PLEKHO1: variants seen among roughly 807,000 people sequenced by gnomAD.
PLEKHO1 encodes pleckstrin homology domain containing O1, also known as pleckstrin homology domain-containing family O member 1.
Under a neutral mutation model 41.4 loss-of-function variants are expected in PLEKHO1, and 22 were observed. The observed-to-expected ratio is 0.53, with a 90% CI of 0.38 to 0.76. The LOEUF (loss-of-function observed/expected upper bound fraction) is 0.76. PLEKHO1 is among the 30% of genes least tolerant of loss of function. PLEKHO1 has a pLI of 0.00. For synonymous variants in PLEKHO1, 225 were observed against 210.8 expected, an observed-to-expected ratio of 1.07 and a Z score of -0.58; for missense variants, 488 against 518.3, an observed-to-expected ratio of 0.94 and a Z score of 0.57.
Position 150,159,614 on chromosome 1 carries a change from A to G in PLEKHO1, c.*91A>G. The G allele has an allele frequency of 1.1e-6, 1 of 874,958 alleles. No individual in the cohort carries two copies. Among genetic ancestry groups the G allele is most frequent in the Admixed American group, 2.9e-5 (1 of 34,266 alleles). The allele number at this position is 874,958 out of a possible 1,614,324, so 54.2% of individuals were successfully genotyped here. On this transcript the variant is annotated 3_prime_UTR_variant, in exon 6 of 6. Coordinates refer to ENST00000369124, the MANE Select transcript of PLEKHO1 (RefSeq NM_016274.6). ...CTTTTTTATTTACCTCAATCAAAAAAAGAAAACAAAAATGAACTCATTGCT... is the reference window on the plus strand; with the variant it reads ...CTTTTTTATTTACCTCAATCAAAAAGAGAAAACAAAAATGAACTCATTGCT...
rs1553820498 is a variant in PLEKHO1, at chr1:150,156,766, A to G, written c.319-145A>G. The G allele has an allele frequency of 1.3e-5, 8 of 612,836 alleles. No homozygotes were observed. In the East Asian group the frequency reaches 2.2e-4, roughly 17 times the overall value. The allele number at this position is 612,836 out of a possible 1,614,324, so 38.0% of individuals were successfully genotyped here. Reference sequence around the variant, plus strand: ...CAGGAATAGAAGCTGGGTTTCCTTAAGTTATGGATGACTCTGGAAGCAGAA... The same window carrying G: ...CAGGAATAGAAGCTGGGTTTCCTTAGGTTATGGATGACTCTGGAAGCAGAA... On this transcript the variant is annotated intron_variant, in intron 3 of 5. Transcript: ENST00000369124.
intron 1 of PLEKHO1, 167 bp from the exon 2 acceptor site, chr1:150,150,745 G>A (rs587694668): frequency 5.0e-6 from 3 of 599,874 alleles, no homozygotes; most frequent in Non-Finnish European, 5.9e-6. Flanking sequence ...GGAGTTCCTC[G>A]GAGTGAAAAC....
At chr1:150,158,471 G>A (rs1660268644) in intron 5 of PLEKHO1, among the ~76,000 whole-genome samples, 1 of 152,100 alleles carries the variant, frequency 6.6e-6, no homozygotes, top group Non-Finnish European at 1.5e-5. Context: ...TATCACTTGA[G>A]GTCAGGAGTT....
At chr1:150,155,996 C>G in intron 2 of PLEKHO1, 70 bp from the exon 3 acceptor site, 1 of 1,423,508 alleles carries the variant, frequency 7.0e-7, no homozygotes, top group African/African-American at 1.4e-5. Flanking sequence ...CCAAGATGAT[C>G]TAAACTAACA....
rs192739241 is a variant in PLEKHO1, at chr1:150,159,685, T to A, written c.*162T>A. 1.8e-6 allele frequency: 1 copy of A among 555,800 alleles called. No homozygotes were observed. The highest frequency in any genetic ancestry group is 3.2e-6 in the Non-Finnish European group (1 of 309,840). 34.4% of individuals were successfully genotyped at this position (555,800 alleles called of 1,614,324 possible). ...CTACAACCCTTATTGCCCCACCTAC[T>A]TTCCATATGCCCCTCGTATGCCCCT... On this transcript the variant is annotated 3_prime_UTR_variant, in exon 6 of 6. Coordinates refer to ENST00000369124, the MANE Select transcript of PLEKHO1 (RefSeq NM_016274.6).
Position 150,150,111 on chromosome 1 carries a change from T to G in PLEKHO1, c.-147T>G. 1 of 187,154 alleles carries G rather than the reference T, an allele frequency of 5.3e-6. No homozygotes were observed. Among genetic ancestry groups the G allele is most frequent in the Non-Finnish European group, 9.8e-6 (1 of 101,788 alleles). 11.6% of individuals were successfully genotyped at this position (187,154 alleles called of 1,614,324 possible). On this transcript the variant is annotated 5_prime_UTR_variant, in exon 1 of 6. Transcript: ENST00000369124. ...ACCGGAGCTACAAAGAAGGGGAGAG[T>G]CCGGGAGCGGGAGGGCGCGAGGGAG...
At chr1:150,156,678 T>C (rs1469314447) in intron 3 of PLEKHO1, among the ~76,000 whole-genome samples, 1 of 152,204 alleles carries the variant, frequency 6.6e-6, no homozygotes, top group African/African-American at 2.4e-5. Context: ...CATACTAATA[T>C]TCAGTATCCT....
Position 150,159,439 on chromosome 1 carries a change from G to C in PLEKHO1, c.1146G>C (p.Leu382=). Residue 382 remains leucine (L), a synonymous_variant, in exon 6 of 6, where the codon CTG becomes CTC. Transcript: ENST00000369124. ...AGGAGGTCAGGGAGCTGAGAGACCT[G>C]TACAGACAGATGGACCTGCAGACCC... ...VLQEVRELRD[L]YRQMDLQTPD... The C allele has an allele frequency of 1.9e-6, 3 of 1,614,080 alleles. No homozygotes were observed. Among genetic ancestry groups the C allele is most frequent in the Middle Eastern group, 1.6e-4 (1 of 6,062 alleles).
intron 1 of PLEKHO1, 37 bp downstream of exon 1, chr1:150,150,324 T>A: frequency 9.8e-7 from 1 of 1,016,498 alleles, no homozygotes; most frequent in Non-Finnish European, 1.2e-6. Context: ...CGCCGCCGCC[T>A]CCGCGCTCTG....
chr1:150,150,230 C>A lies in PLEKHO1; in HGVS notation c.-28C>A. 1 of 1,050,290 alleles carries A rather than the reference C, an allele frequency of 9.5e-7. No individual in the cohort carries two copies. The highest frequency in any genetic ancestry group is 1.7e-5 in the African/African-American group (1 of 58,048). The allele number at this position is 1,050,290 out of a possible 1,614,324, so 65.1% of individuals were successfully genotyped here. Reference sequence around the variant, plus strand: ...CCCGACGCGGGGCCGCCCCTCGGCTCGCCGCCCCGCGCCCGCGCCCGCTGG... The same window carrying A: ...CCCGACGCGGGGCCGCCCCTCGGCTAGCCGCCCCGCGCCCGCGCCCGCTGG... On this transcript the variant is annotated 5_prime_UTR_variant, in exon 1 of 6. Transcript: ENST00000369124.
rs782410256 is a variant in PLEKHO1 at position 150,150,226 on chromosome 1, G to A, written c.-32G>A. 8.6e-5 allele frequency: 90 copies of A among 1,040,656 alleles called. 1 individual carries two copies. The African/African-American group carries it at 1.4e-3, about 16-fold the overall frequency. 64.5% of individuals were successfully genotyped at this position (1,040,656 alleles called of 1,614,324 possible). A position where few individuals can be genotyped will look rare whatever the true frequency, so the allele number is the denominator to read the frequency against. ...AGGCCCCGACGCGGGGCCGCCCCTC[G>A]GCTCGCCGCCCCGCGCCCGCGCCCG... On this transcript the variant is annotated 5_prime_UTR_variant, in exon 1 of 6. Coordinates refer to ENST00000369124, the MANE Select transcript of PLEKHO1 (RefSeq NM_016274.6).
intron 2 of PLEKHO1, chr1:150,154,986 A>G (rs1291241279): frequency 3.3e-5 from 5 of 152,240 alleles, no homozygotes; most frequent in African/African-American, 7.2e-5. Context: ...AAAAGAGAAA[A>G]CATTGTGGTC....
At chr1:150,158,531 C>CA (rs1285075943) in intron 5 of PLEKHO1, among the ~76,000 whole-genome samples, 148,819 of 149,008 alleles carry the variant, frequency 1, 74,315 homozygotes, top group East Asian at 1. Flanking sequence ...GCTAAAAATA[C>CA]AAAAAAAAAG....
Position 150,150,205 on chromosome 1 carries a change from CCCGACGCGGGG to C in PLEKHO1, c.-49_-39del, listed in dbSNP as rs1659821088. On this transcript the variant is annotated 5_prime_UTR_variant, in exon 1 of 6. Transcript: ENST00000369124. ...GGAGCCCCCGCGGTGCCGCCGAGGC[CCCGACGCGGGG>C]CCGCCCCTCGGCTCGCCGCCCCGCG... is the stretch of plus-strand genomic sequence containing the variant. 1 of 964,354 alleles carries C rather than the reference CCCGACGCGGGG, an allele frequency of 1.0e-6. No homozygotes were observed. The highest frequency in any genetic ancestry group is 5.9e-5 in the Admixed American group (1 of 17,084). 59.7% of individuals were successfully genotyped at this position (964,354 alleles called of 1,614,324 possible). A position where few individuals can be genotyped will look rare whatever the true frequency, so the allele number is the denominator to read the frequency against.
chr1:150,158,800 T>G lies in PLEKHO1; in HGVS notation c.526-19T>G, dbSNP rs201870136. On this transcript the variant is annotated intron_variant, in intron 5 of 5. Transcript: ENST00000369124. ...CTCCTGATGACAGGTTCCCCACTCA[T>G]TCCCCCCTTCCTCCACAGGCTTCCA... is the stretch of plus-strand genomic sequence containing the variant. 1.9e-6 allele frequency: 3 copies of G among 1,552,844 alleles called. No individual in the cohort carries two copies. The highest frequency in any genetic ancestry group is 1.4e-5 in the African/African-American group (1 of 73,474).
intron 3 of PLEKHO1, 130 bp from the exon 4 acceptor site, chr1:150,156,781 T>C (rs1175921154): frequency 3.0e-6 from 2 of 665,450 alleles, no homozygotes; most frequent in African/African-American, 1.8e-5. Flanking sequence ...TGGATGACTC[T>C]GGAAGCAGAA....
Position 150,159,161 on chromosome 1 carries a change from CG to C in PLEKHO1, c.871del (p.Ala291LeufsTer22). 1 of 1,610,950 alleles carries C rather than the reference CG, an allele frequency of 6.2e-7. No individual in the cohort carries two copies. The highest frequency in any genetic ancestry group is 8.5e-7 in the Non-Finnish European group (1 of 1,178,594). The stretch of plus-strand genomic sequence containing the variant: ...TGCCTCTGCCCGCACCCTCCAGCTG[CG>C]GGCTGAGGAACCCCCAACCCCTGCC... ...DAASARTLQL[R>X]AEEPPTPALP... On this transcript the variant is annotated frameshift_variant, in exon 6 of 6. Coordinates refer to ENST00000369124, the MANE Select transcript of PLEKHO1 (RefSeq NM_016274.6). LOFTEE classifies it high-confidence loss of function.
At position 150,151,125 on chromosome 1, in the gene PLEKHO1, C is replaced by T. The variant is rs1553818900; in HGVS notation, c.177+67C>T. 8 of 1,570,784 alleles carry T rather than the reference C, an allele frequency of 5.1e-6. No individual in the cohort carries two copies. The South Asian group carries it at 7.8e-5, about 15-fold the overall frequency. On this transcript the variant is annotated intron_variant, in intron 2 of 5. Transcript: ENST00000369124. Reference sequence around the variant, plus strand: ...CCCACTTTGTCACTCCCCAAGGGCTCGCCTAGCTTACTCCACCCCCGTTTT... The same window carrying T: ...CCCACTTTGTCACTCCCCAAGGGCTTGCCTAGCTTACTCCACCCCCGTTTT...
intron 2 of PLEKHO1, 137 bp from the exon 3 acceptor site, chr1:150,155,929 G>A: frequency 2.7e-6 from 2 of 742,988 alleles, no homozygotes; most frequent in Non-Finnish European, 4.5e-6. Context: ...TAGGCTTTGG[G>A]CAGACGGCCC....
Sources: gnomAD v4.1 joint callset for allele counts (sites outside exome capture counted in the v4.1 genomes callset) on GRCh38, gnomAD v4.1.1 for gene constraint, MANE v1.5 for transcripts, NCBI Gene and HGNC (gene_info 2026-07-23, HGNC 2026-07-21) for gene names.